The following SYT3 variants were observed in gnomAD, a reference collection of about 807,000 sequenced individuals.
SYT3 encodes synaptotagmin 3, also known as synaptotagmin-3.
Under a neutral mutation model 50.6 loss-of-function variants are expected in SYT3, and 25 were observed. That is an observed-to-expected ratio of 0.49 (90% CI 0.36 to 0.69). SYT3 has a LOEUF of 0.69. Ranked by LOEUF, SYT3 falls within the 30% of genes least tolerant of loss-of-function variation. The pLI, the probability that SYT3 is intolerant of heterozygous loss-of-function variation, is 0.00. For missense variants in SYT3, 589 were observed against 793.6 expected, an observed-to-expected ratio of 0.74 and a Z score of 3.10; for synonymous variants, 323 against 353.9, an observed-to-expected ratio of 0.91 and a Z score of 0.98.
the SYT3 span, among the ~76,000 whole-genome samples, chr19:50,653,934 T>A: frequency 1.3e-5 from 2 of 151,894 alleles, no homozygotes; most frequent in Admixed American, 6.6e-5. Flanking sequence ...ATGCTGGGGT[T>A]AATGAAAAAG....
At chr19:50,631,461 G>T (rs1204312333) in intron 4 of SYT3, among the ~76,000 whole-genome samples, 1 of 152,132 alleles carries the variant, frequency 6.6e-6, no homozygotes, top group Non-Finnish European at 1.5e-5. Flanking sequence ...ACTGCGCCCA[G>T]CCTGAAGTTT....
the SYT3 span, among the ~76,000 whole-genome samples, chr19:50,657,068 A>C: frequency 6.6e-6 from 1 of 152,118 alleles, no homozygotes; most frequent in Non-Finnish European, 1.5e-5. Flanking sequence ...TGACAGATTC[A>C]GTAAACTGGT....
At chr19:50,628,183 C>G (rs1322471496) in intron 6 of SYT3, among the ~76,000 whole-genome samples, 1 of 152,220 alleles carries the variant, frequency 6.6e-6, no homozygotes, top group African/African-American at 2.4e-5. Context: ...ACAGCTACCC[C>G]AGATTGGCAG....
chr19:50,657,197 C>T, the SYT3 span, among the ~76,000 whole-genome samples: 1 of 152,020 alleles, frequency 6.6e-6, no homozygotes, highest in South Asian at 2.1e-4. Context: ...TCCAAGGTAC[C>T]CTCTCAGCTA....
At chr19:50,649,705 T>C in the SYT3 span, 1 of 703,368 alleles carries the variant, frequency 1.4e-6, no homozygotes, top group Non-Finnish European at 2.5e-6. Context: ...CATGAGCCTC[T>C]GCAGTTCCTT....
chr19:50,649,833 G>A, the SYT3 span: 29 of 503,106 alleles, frequency 5.8e-5, no homozygotes, highest in South Asian at 4.3e-4. Flanking sequence ...CCTGAGCTCA[G>A]CATCTTCCCC....
intron 4 of SYT3, among the ~76,000 whole-genome samples, chr19:50,631,573 T>A (rs1403690194): frequency 1.3e-5 from 2 of 152,158 alleles, no homozygotes; most frequent in Non-Finnish European, 2.9e-5. Context: ...GATCTCGTTC[T>A]CCTCTTGTCT....
the SYT3 span, chr19:50,658,078 C>T: frequency 6.5e-7 from 1 of 1,536,004 alleles, no homozygotes; most frequent in Non-Finnish European, 8.7e-7. Context: ...TGAGCAGCAT[C>T]CGCTTTGAGA....
At chr19:50,647,529 A>T in the SYT3 span, among the ~76,000 whole-genome samples, 718 of 151,560 alleles carry the variant, frequency 4.7e-3, 6 homozygotes, top group Non-Finnish European at 6.1e-3. Flanking sequence ...TAAAAAAAAT[A>T]AATAGCTGGG....
the SYT3 span, chr19:50,656,367 AT>A: frequency 3.9e-6 from 6 of 1,526,280 alleles, no homozygotes; most frequent in Non-Finnish European, 5.3e-6. Flanking sequence ...CTGTGCCCTT[AT>A]TTTCTGCACA....
intron 3 of SYT3, among the ~76,000 whole-genome samples, chr19:50,633,976 A>G (rs2123016767): frequency 6.6e-6 from 1 of 152,362 alleles, no homozygotes; most frequent in East Asian, 1.9e-4. Context: ...GGTAGTTCAA[A>G]TGTGAATTTT....
the SYT3 span, among the ~76,000 whole-genome samples, chr19:50,651,352 A>G: frequency 6.6e-6 from 1 of 152,126 alleles, no homozygotes; most frequent in Non-Finnish European, 1.5e-5. Context: ...TTTGGTAAAT[A>G]CCTTCTTATT....
At chr19:50,643,937 T>C (rs1370105596), upstream of SYT3, among the ~76,000 whole-genome samples, 1 of 151,766 alleles carries the variant, frequency 6.6e-6, no homozygotes, top group African/African-American at 2.4e-5. Flanking sequence ...CTCAGAAGGA[T>C]GAGTAGGCAT....
upstream of SYT3, chr19:50,639,959 T>C (rs1473178291): frequency 6.5e-6 from 1 of 152,720 alleles, no homozygotes; most frequent in Non-Finnish European, 1.5e-5. This position sits in a 1 kb window ranked among gnomAD's most constrained non-coding sequence, Gnocchi z 4.6. Context: ...CCGAAATCAC[T>C]TGGCCTCAGC....
In SYT3 at chr19:50,629,295, G is replaced by C; in HGVS notation, c.1280C>G (p.Ser427Trp). 1.3e-6 allele frequency: 2 copies of C among 1,596,256 alleles called. No individual in the cohort carries two copies. Among genetic ancestry groups the C allele is most frequent in the East Asian group, 2.2e-5 (1 of 44,462 alleles). Residue 427 changes from serine (S) to tryptophan (W), a missense_variant and splice_region_variant, in exon 6 of 11, where the codon TCG (serine) becomes TGG (tryptophan). Transcript: ENST00000600079. ...PLWRDIVEGG[S>W]EKADLGELNF... ...AGGTCAGGGGAGAGGGCCACTGACCGAGCCGCCCTCCACGATGTCCCTCCA... is the reference window on the plus strand; with the variant it reads ...AGGTCAGGGGAGAGGGCCACTGACCCAGCCGCCCTCCACGATGTCCCTCCA...
At position 50,625,256 on chromosome 19, in the gene SYT3, C is replaced by G. The variant is rs775530017; in HGVS notation, c.1613G>C (p.Gly538Ala). ...HNEVIGVCRV[G>A]PDAADPHGRE... ...GCCGTGCGGGTCGGCAGCGTCGGGG[C>G]CCACACGGCACACGCCGATCACCTC... Residue 538 changes from glycine (G) to alanine (A), a missense_variant, in exon 9 of 11, where the codon GGC becomes GCC. Transcript: ENST00000600079. The surrounding 1 kb of genome is among the most constrained non-coding windows in gnomAD (Gnocchi z 7.5). 3.9e-6 allele frequency: 6 copies of G among 1,556,354 alleles called. No homozygotes were observed. The highest frequency in any genetic ancestry group is 5.2e-6 in the Non-Finnish European group (6 of 1,155,392).
intron 4 of SYT3, 111 bp from the exon 5 acceptor site, chr19:50,630,282 G>A (rs1242044464): frequency 1.1e-5 from 13 of 1,157,416 alleles, no homozygotes; most frequent in Admixed American, 6.0e-5. Flanking sequence ...CCAGCCAGGT[G>A]GCCACAAGTC....
the SYT3 span, among the ~76,000 whole-genome samples, chr19:50,651,798 CAT>C: frequency 6.6e-6 from 1 of 151,912 alleles, no homozygotes; most frequent in Non-Finnish European, 1.5e-5. Flanking sequence ...TTTAATTACA[CAT>C]ATACATTTAA....
intron 3 of SYT3, among the ~76,000 whole-genome samples, chr19:50,633,164 G>T (rs146626404): frequency 6.9e-6 from 1 of 145,784 alleles, no homozygotes; most frequent in East Asian, 2.0e-4. Context: ...AAATTTTTCT[G>T]TAGAGATGAG....
Sources: gnomAD v4.1 joint callset for allele counts (sites outside exome capture counted in the v4.1 genomes callset) on GRCh38, gnomAD v4.1.1 for gene constraint, Gnocchi (gnomAD v3.1) non-coding constraint, MANE v1.5 for transcripts, NCBI Gene and HGNC (gene_info 2026-07-23, HGNC 2026-07-21) for gene names.